DOK6: variants seen among roughly 807,000 people sequenced by gnomAD.
DOK6 encodes downstream of tyrosine kinase 6.
A neutral mutation model predicts 44.0 loss-of-function variants in DOK6; 22 were observed. That is an observed-to-expected ratio of 0.50 (90% CI 0.36 to 0.71). The LOEUF (loss-of-function observed/expected upper bound fraction) is 0.71. Ranked by LOEUF, DOK6 falls within the 30% of genes least tolerant of loss-of-function variation. The pLI is 0.00. For missense variants in DOK6, 340 were observed against 416.4 expected (o/e 0.82, Z 1.60); for synonymous variants, 166 against 145.5 (o/e 1.14, Z -1.01).
intron 6 of DOK6, among the ~76,000 whole-genome samples, chr18:69,751,530 T>G (rs1471307779): frequency 6.6e-6 from 1 of 152,154 alleles, no homozygotes; most frequent in Non-Finnish European, 1.5e-5. Flanking sequence ...TGAATAGTGT[T>G]TATTATGTGT....
At chr18:69,832,193 G>A (rs962494730) in intron 7 of DOK6, among the ~76,000 whole-genome samples, 1 of 152,136 alleles carries the variant, frequency 6.6e-6, no homozygotes, top group African/African-American at 2.4e-5. Context: ...TTATTTGGTT[G>A]AGATATGTTC....
chr18:69,754,519 A>T (rs886247802), intron 6 of DOK6, among the ~76,000 whole-genome samples: 1 of 152,196 alleles, frequency 6.6e-6, no homozygotes, highest in Non-Finnish European at 1.5e-5. Flanking sequence ...GAGAGTACTC[A>T]TATTAGTTTG....
At chr18:69,604,091 C>T (rs192029362) in intron 3 of DOK6, among the ~76,000 whole-genome samples, 180 of 151,976 alleles carry the variant, frequency 1.2e-3, no homozygotes, top group Non-Finnish European at 1.8e-3. Context: ...TAAACTGAAC[C>T]CTGCAATTAT....
At chr18:69,593,040 T>A (rs1297527251) in intron 2 of DOK6, among the ~76,000 whole-genome samples, 2 of 152,118 alleles carry the variant, frequency 1.3e-5, no homozygotes, top group Non-Finnish European at 1.5e-5. Context: ...GTCCTAAATT[T>A]TCATGGTTAA....
chr18:69,632,717 T>A (rs1984717186), intron 3 of DOK6, among the ~76,000 whole-genome samples: 1 of 152,238 alleles, frequency 6.6e-6, no homozygotes, highest in Admixed American at 6.5e-5. Context: ...TTTTCAATAT[T>A]TTGTTCAAAA....
chr18:69,557,099 A>G (rs906051533), intron 1 of DOK6, among the ~76,000 whole-genome samples: 2 of 152,184 alleles, frequency 1.3e-5, no homozygotes, highest in African/African-American at 4.8e-5. Context: ...TTCACATGGT[A>G]TCTTGCTTTC....
intron 6 of DOK6, among the ~76,000 whole-genome samples, chr18:69,752,590 A>G (rs561764876): frequency 3.9e-5 from 6 of 152,302 alleles, no homozygotes; most frequent in South Asian, 4.1e-4. Context: ...AGAGAGTTCA[A>G]TGAAGGAACT....
intron 1 of DOK6, among the ~76,000 whole-genome samples, chr18:69,496,522 C>G (rs1204255180): frequency 6.6e-6 from 1 of 152,258 alleles, no homozygotes; most frequent in Non-Finnish European, 1.5e-5. Flanking sequence ...CCTATATACA[C>G]TTAAATTTCA....
intron 3 of DOK6, among the ~76,000 whole-genome samples, chr18:69,632,748 G>A (rs945492874): frequency 6.6e-6 from 1 of 152,146 alleles, no homozygotes; most frequent in African/African-American, 2.4e-5. Flanking sequence ...ATTTATATCT[G>A]CATACATCCT....
Position 69,539,103 on chromosome 18 carries a change from G to A in DOK6, c.67-25384G>A, listed in dbSNP as rs1982199063. ...CAACTAAGAGACATCCCTGCCTTAGGCTTTTTCTTATCAAACTACACTACA... is the reference window on the plus strand; with the variant it reads ...CAACTAAGAGACATCCCTGCCTTAGACTTTTTCTTATCAAACTACACTACA... On this transcript the variant is annotated intron_variant, in intron 1 of 7. Coordinates refer to ENST00000382713, the MANE Select transcript of DOK6 (RefSeq NM_152721.6). 2.6e-5 allele frequency among the ~76,000 whole-genome samples: 4 copies of A among 152,022 alleles called. No individual in the cohort carries two copies. The South Asian group carries it at 8.3e-4, about 32-fold the overall frequency.
intron 7 of DOK6, among the ~76,000 whole-genome samples, chr18:69,835,388 C>A (rs536677554): frequency 1.3e-5 from 2 of 152,038 alleles, no homozygotes; most frequent in Admixed American, 6.6e-5. Flanking sequence ...TGGCGTGAAC[C>A]CGGGAGGTGG....
intron 1 of DOK6, among the ~76,000 whole-genome samples, chr18:69,452,599 AC>A (rs1212153454): frequency 1.4e-5 from 2 of 142,264 alleles, no homozygotes; most frequent in East Asian, 4.3e-4. Context: ...CTGGGCAGAG[AC>A]ACAACCAAAA....
At chr18:69,689,684 T>C (rs1258200785) in intron 4 of DOK6, among the ~76,000 whole-genome samples, 1 of 152,108 alleles carries the variant, frequency 6.6e-6, no homozygotes, top group Non-Finnish European at 1.5e-5. Context: ...ATATTAAAAA[T>C]TATCTAAAAT....
At chr18:69,764,349 T>C (rs931655899) in intron 7 of DOK6, among the ~76,000 whole-genome samples, 1 of 152,180 alleles carries the variant, frequency 6.6e-6, no homozygotes, top group African/African-American at 2.4e-5. Context: ...ATGGTCTGGC[T>C]CTGTGTCCCC....
chr18:69,622,067 C>T (rs1984455438), intron 3 of DOK6, among the ~76,000 whole-genome samples: 1 of 152,154 alleles, frequency 6.6e-6, no homozygotes, highest in African/African-American at 2.4e-5. Context: ...TCAGTTTCTA[C>T]AGATTCAAAT....
chr18:69,631,624 A>G (rs1984692148), intron 3 of DOK6, among the ~76,000 whole-genome samples: 1 of 152,206 alleles, frequency 6.6e-6, no homozygotes, highest in Non-Finnish European at 1.5e-5. Context: ...AGGAATGATC[A>G]GTATGAACAC....
intron 1 of DOK6, among the ~76,000 whole-genome samples, chr18:69,447,703 G>T (rs1331301040): frequency 1.3e-5 from 2 of 152,178 alleles, no homozygotes; most frequent in Non-Finnish European, 2.9e-5. Flanking sequence ...GAGTCAGAAG[G>T]TGAGCCCGTG....
intron 1 of DOK6, among the ~76,000 whole-genome samples, chr18:69,495,665 T>C (rs1289182307): frequency 1.3e-5 from 2 of 152,150 alleles, no homozygotes; most frequent in African/African-American, 4.8e-5. Context: ...TTCAGGCCCT[T>C]CCCAGCCTGA....
At chr18:69,822,191 T>G (rs1457178244) in intron 7 of DOK6, among the ~76,000 whole-genome samples, 1 of 152,156 alleles carries the variant, frequency 6.6e-6, no homozygotes. Flanking sequence ...AAATGTCAGA[T>G]CCAGCAAAAT....
Sources: allele counts gnomAD v4.1 joint callset (sites outside exome capture counted in the v4.1 genomes callset), GRCh38; gene constraint gnomAD v4.1.1; transcripts MANE v1.5; gene names NCBI Gene and HGNC (gene_info 2026-07-23, HGNC 2026-07-21).